Variants in PTPRN2 observed in about 807,000 individuals in gnomAD.
The protein encoded by PTPRN2 is protein tyrosine phosphatase receptor type N2.
PTPRN2 carries 74 observed loss-of-function variants against 118.8 expected under a neutral mutation model. That is an observed-to-expected ratio of 0.62 (90% CI 0.52 to 0.76). The LOEUF (loss-of-function observed/expected upper bound fraction) is 0.76. PTPRN2 is among the 30% of genes least tolerant of loss of function. PTPRN2 has a pLI of 0.00. For synonymous variants in PTPRN2, 641 were observed against 608.0 expected (o/e 1.05, Z -0.80); for missense variants, 1,481 against 1,394.4 (o/e 1.06, Z -0.99).
intron 11 of PTPRN2, among the ~76,000 whole-genome samples, chr7:157,972,738 A>ATGGG (rs1802430595): frequency 2.0e-5 from 3 of 150,262 alleles, no homozygotes; most frequent in Non-Finnish European, 4.4e-5. Context: ...TTCAGAGACC[A>ATGGG]CGGGCACTCC....
Position 157,609,901 on chromosome 7 carries a change from C to G in PTPRN2, c.2345-5826G>C, listed in dbSNP as rs1802232002. ...AATTTCTTGTTGATTATTACTATGG[C>G]AAAGAGCCTTGGGAGATGGCCCAGC... is the stretch of plus-strand genomic sequence containing the variant. On this transcript the variant is annotated intron_variant, in intron 15 of 22. Transcript: ENST00000389418. This position sits in a 1 kb window ranked among gnomAD's most constrained non-coding sequence, Gnocchi z 4.9. 6.6e-6 allele frequency among the ~76,000 whole-genome samples: 1 copy of G among 152,198 alleles called. No individual in the cohort carries two copies.
intron 2 of PTPRN2, among the ~76,000 whole-genome samples, chr7:158,405,966 G>A (rs374395223): frequency 2.7e-5 from 4 of 149,590 alleles, no homozygotes; most frequent in South Asian, 4.3e-4. Context: ...CGTGAGACAC[G>A]TGTCCGCACA....
At chr7:157,668,081 A>T (rs1391562041) in intron 13 of PTPRN2, among the ~76,000 whole-genome samples, 1 of 152,222 alleles carries the variant, frequency 6.6e-6, no homozygotes, top group Admixed American at 6.5e-5. Context: ...ACATTCGGAC[A>T]CCACAGTCCT....
At chr7:157,879,414 C>A (rs77768138) in intron 12 of PTPRN2, among the ~76,000 whole-genome samples, 1 of 152,110 alleles carries the variant, frequency 6.6e-6, no homozygotes, top group Non-Finnish European at 1.5e-5. Flanking sequence ...CACACGTGCA[C>A]GCACACACAC....
rs564292989 is a variant in PTPRN2 at position 157,744,725 on chromosome 7, A to G, written c.1789-61788T>C. Among the ~76,000 whole-genome samples, 70 of 152,318 alleles carry G rather than the reference A, an allele frequency of 4.6e-4. 1 individual carries two copies. The South Asian group carries it at 0.013, about 28-fold the overall frequency. On this transcript the variant is annotated intron_variant, in intron 12 of 22. Transcript: ENST00000389418. ...GACGGAGGATGTGGAAGGGCCCCCA[A>G]GGACAGGTCTGTCTGCCTGGTGGAC... is the stretch of plus-strand genomic sequence containing the variant.
intron 12 of PTPRN2, among the ~76,000 whole-genome samples, chr7:157,746,521 GC>G (rs1172247493): frequency 7.3e-6 from 1 of 136,564 alleles, no homozygotes; most frequent in Non-Finnish European, 1.6e-5. Flanking sequence ...TCCACACGGG[GC>G]CCTGAGTGTG....
At chr7:157,790,432 C>A (rs145361004) in intron 12 of PTPRN2, among the ~76,000 whole-genome samples, 1 of 151,980 alleles carries the variant, frequency 6.6e-6, no homozygotes, top group Admixed American at 6.6e-5. Context: ...GGAGACCGGG[C>A]GCTCCTGCAG....
chr7:158,458,036 A>G (rs1272075751), intron 2 of PTPRN2, among the ~76,000 whole-genome samples: 2 of 152,206 alleles, frequency 1.3e-5, no homozygotes, highest in East Asian at 3.9e-4. Flanking sequence ...GAAAGCTCTA[A>G]GAGAAAGTTA....
In PTPRN2 at chr7:158,110,881, C is replaced by T. The variant is rs573339540; in HGVS notation, c.1591G>A (p.Glu531Lys). The T allele has an allele frequency of 2.8e-5, 45 of 1,583,886 alleles. No individual in the cohort carries two copies. Among genetic ancestry groups the T allele is most frequent in the Non-Finnish European group, 3.6e-5 (42 of 1,165,206 alleles). Residue 531 changes from glutamate (E) to lysine (K), a missense_variant, in exon 10 of 23, where the codon GAG (glutamate) becomes AAG (lysine). Coordinates refer to ENST00000389418, the MANE Select transcript of PTPRN2 (RefSeq NM_002847.5). Reference protein sequence around the residue: ...LRPEEGRRLVEDVARLLQVPS... With the variant: ...LRPEEGRRLVKDVARLLQVPS... ...ACCTGCAGGAGGCGGGCGACGTCCT[C>T]CACCAGCCGCCTTCCTTCCTCGGGG... is the stretch of plus-strand genomic sequence containing the variant.
chr7:158,239,596 G>A lies in PTPRN2; in HGVS notation c.278-34323C>T, dbSNP rs116370756. On this transcript the variant is annotated intron_variant, in intron 3 of 22. Transcript: ENST00000389418. ...CCCTGCGGCCCCTGCCACTGCACTC[G>A]CCACCATCAAAAGCTTCTCCTCTCG... 3.9e-3 allele frequency among the ~76,000 whole-genome samples: 589 copies of A among 152,200 alleles called. 6 individuals are homozygous for A. The highest frequency in any genetic ancestry group is 0.013 in the African/African-American group (548 of 41,530).
chr7:157,636,825 C>T (rs564712510), intron 14 of PTPRN2, among the ~76,000 whole-genome samples: 3 of 152,232 alleles, frequency 2.0e-5, no homozygotes, highest in Non-Finnish European at 2.9e-5. Flanking sequence ...AACCTCTCTG[C>T]TTAGCAATAA....
At position 158,525,056 on chromosome 7, in the gene PTPRN2, G is replaced by A. The variant is rs1394867740; in HGVS notation, c.113-35271C>T. The stretch of plus-strand genomic sequence containing the variant: ...CCCTCCGAAAAGACAGCCCTTGGAA[G>A]ACTGTGGCTCAGGATGCAAGGCTCT... On this transcript the variant is annotated intron_variant, in intron 1 of 22. Transcript: ENST00000389418. The surrounding 1 kb of genome is among the most constrained non-coding windows in gnomAD (Gnocchi z 4.1). Among the ~76,000 whole-genome samples, 1 of 152,128 alleles carries A rather than the reference G, an allele frequency of 6.6e-6. No individual in the cohort carries two copies. Among genetic ancestry groups the A allele is most frequent in the African/African-American group, 2.4e-5 (1 of 41,428 alleles).
intron 2 of PTPRN2, among the ~76,000 whole-genome samples, chr7:158,366,405 C>T (rs556722459): frequency 2.0e-4 from 31 of 151,480 alleles, no homozygotes; most frequent in African/African-American, 7.0e-4. Context: ...CCCACAGCAT[C>T]CCTGGGAGAA....
chr7:158,497,705 C>T (rs1327757347), intron 1 of PTPRN2, among the ~76,000 whole-genome samples: 8 of 152,354 alleles, frequency 5.3e-5, no homozygotes, highest in Non-Finnish European at 5.9e-5. Flanking sequence ...ATGTTCTCTG[C>T]GCCGCTGCAC....
chr7:157,837,207 A>C (rs1438484715), intron 12 of PTPRN2, among the ~76,000 whole-genome samples: 5 of 56,082 alleles, frequency 8.9e-5, no homozygotes. Context: ...ACTCACTACC[A>C]CCTGTCCACC....
At chr7:157,686,624 T>C (rs1167700480) in intron 12 of PTPRN2, among the ~76,000 whole-genome samples, 2 of 152,260 alleles carry the variant, frequency 1.3e-5, no homozygotes, top group Non-Finnish European at 1.5e-5. Flanking sequence ...AGGCATCTTA[T>C]CAGTCTTGAC....
At chr7:158,424,996 G>A (rs1207788635) in intron 2 of PTPRN2, among the ~76,000 whole-genome samples, 1 of 152,212 alleles carries the variant, frequency 6.6e-6, no homozygotes, top group Admixed American at 6.5e-5. Flanking sequence ...AAGGCATTCT[G>A]TAGTTATAAC....
chr7:157,592,599 G>A (rs1301592963), intron 17 of PTPRN2, among the ~76,000 whole-genome samples: 1 of 150,060 alleles, frequency 6.7e-6, no homozygotes, highest in Non-Finnish European at 1.5e-5. Context: ...GGGTGGATGT[G>A]GGCATCATCG....
At chr7:157,892,578 A>G (rs2151307897) in intron 12 of PTPRN2, among the ~76,000 whole-genome samples, 1 of 152,342 alleles carries the variant, frequency 6.6e-6, no homozygotes, top group African/African-American at 2.4e-5. Flanking sequence ...GATTTAGTAA[A>G]TGCTATTAGA....
Sources: gnomAD v4.1 joint callset for allele counts (sites outside exome capture counted in the v4.1 genomes callset) on GRCh38, gnomAD v4.1.1 for gene constraint, Gnocchi (gnomAD v3.1) non-coding constraint, MANE v1.5 for transcripts, NCBI Gene and HGNC (gene_info 2026-07-23, HGNC 2026-07-21) for gene names.